MGST1: variants seen among roughly 807,000 people sequenced by gnomAD.
MGST1 encodes the protein microsomal glutathione S-transferase 1.
MGST1 carries 5 observed loss-of-function variants against 8.9 expected under a neutral mutation model. That is an observed-to-expected ratio of 0.56 (90% confidence interval 0.29 to 1.19). The LOEUF is 1.19. Ranked by LOEUF, MGST1 falls within the 50% of genes most tolerant of loss-of-function variation. The probability of loss-of-function intolerance (pLI) is 0.08; values close to 1 mark genes in which losing one functional copy is unlikely to be tolerated. For missense variants in MGST1, 182 were observed against 187.4 expected, an observed-to-expected ratio of 0.97 and a Z score of 0.17; for synonymous variants, 54 against 67.8, an observed-to-expected ratio of 0.80 and a Z score of 1.00.
chr12:16,376,206 T>C (rs997340129), exon 4 of MGST1: 2 of 840,842 alleles, frequency 2.4e-6, no homozygotes, highest in Non-Finnish European at 3.7e-6. Flanking sequence ...AGAAGAAATG[T>C]TTCCTTGTAG....
At chr12:16,462,676 A>G (rs1941229421) in intron 4 of MGST1, among the ~76,000 whole-genome samples, 1 of 152,168 alleles carries the variant, frequency 6.6e-6, no homozygotes, top group Non-Finnish European at 1.5e-5. Context: ...GATTCAAATC[A>G]ATTGTTTATC....
downstream of MGST1, among the ~76,000 whole-genome samples, chr12:16,378,116 A>G (rs1222632729): frequency 2.6e-5 from 4 of 151,860 alleles, no homozygotes; most frequent in Non-Finnish European, 4.4e-5. Context: ...CTCTGATGGT[A>G]TTTTCTTTTG....
At chr12:16,561,033 C>T (rs898896722) in intron 4 of MGST1, among the ~76,000 whole-genome samples, 4 of 152,106 alleles carry the variant, frequency 2.6e-5, no homozygotes, top group Non-Finnish European at 2.9e-5. Flanking sequence ...AACATAGAGG[C>T]GCATGCATGC....
At chr12:16,400,346 C>T (rs760214861) in intron 1 of MGST1, 8 of 807,312 alleles carry the variant, frequency 9.9e-6, no homozygotes, top group African/African-American at 1.7e-5. Flanking sequence ...TCCAGTTTGT[C>T]TCCTCGAACA....
downstream of MGST1, among the ~76,000 whole-genome samples, chr12:16,441,204 T>C (rs973482069): frequency 6.6e-6 from 1 of 151,836 alleles, no homozygotes; most frequent in African/African-American, 2.4e-5. Flanking sequence ...TTTAGATTCA[T>C]GGCAAAATTA....
At chr12:16,417,973 C>G (rs1940800759) in intron 1 of MGST1, among the ~76,000 whole-genome samples, 1 of 152,168 alleles carries the variant, frequency 6.6e-6, no homozygotes, top group Non-Finnish European at 1.5e-5. Context: ...CATATGGGGA[C>G]TAGGAAATCT....
At chr12:16,402,268 A>G (rs1940662639) in intron 1 of MGST1, 1 of 1,589,298 alleles carries the variant, frequency 6.3e-7, no homozygotes, top group Admixed American at 1.7e-5. Flanking sequence ...CATGTCTGTA[A>G]GGCAGTTGAT....
At chr12:16,466,240 A>G (rs1011982315) in intron 4 of MGST1, among the ~76,000 whole-genome samples, 6 of 152,206 alleles carry the variant, frequency 3.9e-5, no homozygotes, top group Non-Finnish European at 7.3e-5. Context: ...GCTGGCAAGC[A>G]TAGTGTAACT....
chr12:16,512,631 A>T (rs2137180614), intron 4 of MGST1, among the ~76,000 whole-genome samples: 1 of 152,360 alleles, frequency 6.6e-6, no homozygotes, highest in African/African-American at 2.4e-5. Flanking sequence ...TGAAATCTTT[A>T]TATAGACATC....
chr12:16,378,806 C>G (rs368747689), downstream of MGST1, among the ~76,000 whole-genome samples: 4 of 146,726 alleles, frequency 2.7e-5, no homozygotes, highest in African/African-American at 1.0e-4. Context: ...ATTTGTTTGT[C>G]TCCTCTTTTA....
At chr12:16,477,071 C>A (rs1417315718) in intron 4 of MGST1, among the ~76,000 whole-genome samples, 1 of 152,160 alleles carries the variant, frequency 6.6e-6, no homozygotes, top group African/African-American at 2.4e-5. Flanking sequence ...GAATAAGAAC[C>A]TAAAGCAAAT....
At chr12:16,515,260 T>C (rs1285134798) in intron 4 of MGST1, among the ~76,000 whole-genome samples, 1 of 152,220 alleles carries the variant, frequency 6.6e-6, no homozygotes, top group Non-Finnish European at 1.5e-5. Flanking sequence ...TTGTCATTGC[T>C]GTTCTTTTCC....
In MGST1 at chr12:16,513,854, C is replaced by A; in HGVS notation, n.483-75674C>A. 1 of 610,570 alleles carries A rather than the reference C, an allele frequency of 1.6e-6. No individual in the cohort carries two copies. The highest frequency in any genetic ancestry group is 3.2e-6 in the Non-Finnish European group (1 of 315,634). 37.8% of individuals were successfully genotyped at this position (610,570 alleles called of 1,614,324 possible). A position where few individuals can be genotyped will look rare whatever the true frequency, so the allele number is the denominator to read the frequency against. Reference sequence around the variant, plus strand: ...AAGTTCAGCCAAGATGTCTTTCTGCCCAAACCAACCTGGGGAAGTCGCACA... The same window carrying A: ...AAGTTCAGCCAAGATGTCTTTCTGCACAAACCAACCTGGGGAAGTCGCACA... On this transcript the variant is annotated intron_variant and non_coding_transcript_variant, in intron 4 of 4. Coordinates refer to the MGST1 transcript ENST00000538857. This position sits in a 1 kb window ranked among gnomAD's most constrained non-coding sequence, Gnocchi z 4.2.
At chr12:16,350,584 C>A (rs1343257224) in intron 1 of MGST1, among the ~76,000 whole-genome samples, 1 of 152,142 alleles carries the variant, frequency 6.6e-6, no homozygotes, top group Non-Finnish European at 1.5e-5. Flanking sequence ...GCAGAGCCAA[C>A]CATGATAATG....
At chr12:16,523,194 C>T (rs886389488) in intron 4 of MGST1, among the ~76,000 whole-genome samples, 9 of 151,986 alleles carry the variant, frequency 5.9e-5, no homozygotes, top group Non-Finnish European at 2.9e-5. Flanking sequence ...AAACCACTTA[C>T]GGGTTTGATT....
intron 4 of MGST1, among the ~76,000 whole-genome samples, chr12:16,501,201 T>G (rs1415961084): frequency 1.3e-5 from 2 of 152,076 alleles, no homozygotes; most frequent in African/African-American, 4.8e-5. Context: ...CCTTGTGACA[T>G]GTAAATTGAC....
At chr12:16,354,417 G>C (rs2975154) in intron 2 of MGST1, 39 bp downstream of exon 2, 7 of 1,570,758 alleles carry the variant, frequency 4.5e-6, no homozygotes, top group Non-Finnish European at 6.0e-6. Context: ...ACTTTTAAGA[G>C]TTGGAATTCT....
At chr12:16,479,015 T>C (rs1941345297) in intron 4 of MGST1, among the ~76,000 whole-genome samples, 1 of 152,052 alleles carries the variant, frequency 6.6e-6, no homozygotes, top group Admixed American at 6.6e-5. Flanking sequence ...TCTTTATGAA[T>C]TTACCCGTTC....
chr12:16,430,480 A>G (rs1940927727), intron 1 of MGST1, among the ~76,000 whole-genome samples: 1 of 152,208 alleles, frequency 6.6e-6, no homozygotes, highest in South Asian at 2.1e-4. Flanking sequence ...GAAAATCAGA[A>G]TTAATCTTTG....
Sources: allele counts gnomAD v4.1 joint callset (sites outside exome capture counted in the v4.1 genomes callset), GRCh38; gene constraint gnomAD v4.1.1; non-coding constraint Gnocchi (gnomAD v3.1); transcripts MANE v1.5; gene names NCBI Gene and HGNC (gene_info 2026-07-23, HGNC 2026-07-21).